The following TSPAN16 variants were observed in gnomAD, a reference collection of about 807,000 sequenced individuals.
TSPAN16 encodes the protein tetraspanin 16.
TSPAN16 carries 23 observed loss-of-function variants against 25.2 expected under a neutral mutation model. That is an observed-to-expected ratio of 0.91 (90% CI 0.66 to 1.29). The LOEUF is 1.29. Among genes scored for constraint, TSPAN16 ranks in the 50% most tolerant of loss-of-function variants. The pLI is 0.00. For synonymous variants in TSPAN16, 123 were observed against 124.4 expected, an observed-to-expected ratio of 0.99 and a Z score of 0.08; for missense variants, 272 against 299.9, an observed-to-expected ratio of 0.91 and a Z score of 0.69.
chr19:11,313,323 C>T (rs770153775), intron 6 of TSPAN16, among the ~76,000 whole-genome samples: 23 of 152,062 alleles, frequency 1.5e-4, no homozygotes, highest in Non-Finnish European at 2.8e-4. Context: ...ACCAGCCTGA[C>T]GAACATGGTG....
chr19:11,316,048 C>T, downstream of TSPAN16: 2 of 825,604 alleles, frequency 2.4e-6, no homozygotes, highest in African/African-American at 3.7e-5. Context: ...AGACTATGCC[C>T]TTTCTCATAC....
intron 5 of TSPAN16, among the ~76,000 whole-genome samples, chr19:11,311,218 C>G (rs529897629): frequency 6.6e-6 from 1 of 152,328 alleles, no homozygotes; most frequent in South Asian, 2.1e-4. Context: ...TCACTACAAC[C>G]TCCGATTCCC....
rs12461865 is a variant in TSPAN16, at chr19:11,296,287, G to A, written c.-11G>A. The A allele has an allele frequency of 8.3e-3, 13,416 of 1,613,684 alleles. 127 individuals are homozygous for A. The highest frequency in any genetic ancestry group is 0.038 in the Admixed American group (2,283 of 59,940). Reference sequence around the variant, plus strand: ...TAACTTAAATGTTCAGGGTGCCCCAGTCTGTTCAGCATGGCTGAAATCCAC... The same window carrying A: ...TAACTTAAATGTTCAGGGTGCCCCAATCTGTTCAGCATGGCTGAAATCCAC... On this transcript the variant is annotated 5_prime_UTR_variant, in exon 1 of 7. Coordinates refer to ENST00000590327, the MANE Select transcript of TSPAN16 (RefSeq NM_001282509.2).
At chr19:11,317,434 A>G (rs2080754992), downstream of TSPAN16, among the ~76,000 whole-genome samples, 1 of 152,072 alleles carries the variant, frequency 6.6e-6, no homozygotes, top group Non-Finnish European at 1.5e-5. Flanking sequence ...TCCCATGTCA[A>G]CTTTCTAAGT....
rs1186183084 is a variant in TSPAN16, at chr19:11,302,513, A to C, written c.450+1205A>C. 2.6e-5 allele frequency among the ~76,000 whole-genome samples: 3 copies of C among 113,632 alleles called. No homozygotes were observed. The East Asian group carries it at 8.1e-4, about 31-fold the overall frequency. The allele number at this position is 113,632 out of a possible 152,430, so 74.5% of individuals were successfully genotyped here. ...CACTGCATTGCAGCCTGGGCAACAG[A>C]GTGAGGCTCCATCTCAAAAAAAAAA... On this transcript the variant is annotated intron_variant, in intron 4 of 6. Coordinates refer to ENST00000590327, the MANE Select transcript of TSPAN16 (RefSeq NM_001282509.2).
downstream of TSPAN16, among the ~76,000 whole-genome samples, chr19:11,318,987 G>T (rs967787779): frequency 6.6e-6 from 1 of 151,692 alleles, no homozygotes; most frequent in Non-Finnish European, 1.5e-5. Context: ...CACCAAACAT[G>T]TGGGGTTTTC....
chr19:11,326,704 A>G (rs904084784), intron 6 of TSPAN16: 1 of 671,168 alleles, frequency 1.5e-6, no homozygotes, highest in Admixed American at 2.1e-5. Flanking sequence ...CCTGGGCTCA[A>G]GCGATCCTCC....
rs117079886 is a variant in TSPAN16, at chr19:11,315,724, C to A, written c.688-67C>A. On this transcript the variant is annotated intron_variant, in intron 6 of 6. Transcript: ENST00000590327. ...CAGGATGCTCCCCTTGTCCCCGTAA[C>A]TCCAGTATGATTCTGGTTTGGAGGT... The A allele has an allele frequency of 6.5e-4, 763 of 1,179,160 alleles. 5 individuals carry two copies. In the East Asian group the frequency reaches 0.018, roughly 28 times the overall value. The allele number at this position is 1,179,160 out of a possible 1,614,324, so 73.0% of individuals were successfully genotyped here. A position where few individuals can be genotyped will look rare whatever the true frequency, so the allele number is the denominator to read the frequency against.
chr19:11,322,274 A>G (rs7417), intron 6 of TSPAN16: 40,433 of 151,596 alleles, frequency 0.27, 9,795 homozygotes, highest in African/African-American at 0.65. Flanking sequence ...CCTGTTACTT[A>G]TTTTTCTAAA....
chr19:11,314,240 G>C lies in TSPAN16; in HGVS notation c.688-1551G>C, dbSNP rs376140542. ...TAGGTATGGCGTTTCTGTGGTTCAT[G>C]ATGAAAATGTTCTTAAGTTATATAG... On this transcript the variant is annotated intron_variant, in intron 6 of 6. Coordinates refer to ENST00000590327, the MANE Select transcript of TSPAN16 (RefSeq NM_001282509.2). 4.6e-5 allele frequency among the ~76,000 whole-genome samples: 7 copies of C among 152,300 alleles called. 1 individual carries two copies. In the East Asian group the frequency reaches 7.7e-4, roughly 17 times the overall value.
chr19:11,305,311 C>T (rs777433195), intron 4 of TSPAN16, among the ~76,000 whole-genome samples: 3 of 151,956 alleles, frequency 2.0e-5, no homozygotes, highest in Non-Finnish European at 4.4e-5. Context: ...AGGTGGATCA[C>T]CTGAGGTCAG....
At chr19:11,319,391 A>G (rs1367451783), downstream of TSPAN16, among the ~76,000 whole-genome samples, 5 of 152,162 alleles carry the variant, frequency 3.3e-5, no homozygotes, top group Admixed American at 3.3e-4. Context: ...CGAGGTAAGG[A>G]GTCTGAGACC....
At chr19:11,319,400 C>T (rs757591418), downstream of TSPAN16, among the ~76,000 whole-genome samples, 2 of 152,136 alleles carry the variant, frequency 1.3e-5, no homozygotes, top group Non-Finnish European at 2.9e-5. Context: ...GAGTCTGAGA[C>T]CAGCCTGGCC....
intron 6 of TSPAN16, among the ~76,000 whole-genome samples, 174 bp from the exon 7 acceptor site, chr19:11,315,617 T>C (rs1224663428): frequency 6.6e-6 from 1 of 152,008 alleles, no homozygotes; most frequent in East Asian, 1.9e-4. Flanking sequence ...TGGAGACGAA[T>C]GCACTGTAAC....
intron 1 of TSPAN16, among the ~76,000 whole-genome samples, chr19:11,297,851 G>A (rs1334945202): frequency 6.6e-6 from 1 of 152,090 alleles, no homozygotes; most frequent in Non-Finnish European, 1.5e-5. Flanking sequence ...GAGTACAGTG[G>A]CACAGTCATA....
intron 5 of TSPAN16, among the ~76,000 whole-genome samples, chr19:11,310,780 T>C (rs1187903166): frequency 6.6e-6 from 1 of 152,204 alleles, no homozygotes; most frequent in African/African-American, 2.4e-5. Flanking sequence ...AGTTATTGAA[T>C]GCTGGCTACA....
intron 3 of TSPAN16, among the ~76,000 whole-genome samples, chr19:11,299,985 GAA>G (rs60293071): frequency 0.048 from 5,210 of 107,780 alleles, 317 homozygotes; most frequent in African/African-American, 0.14. Context: ...CTCAAAAAAA[GAA>G]AAAAAAAAAA....
chr19:11,310,988 C>A (rs1378236081), intron 5 of TSPAN16, among the ~76,000 whole-genome samples: 2 of 152,248 alleles, frequency 1.3e-5, no homozygotes, highest in Admixed American at 1.3e-4. Context: ...CAGGCACATA[C>A]CACCACACTG....
At chr19:11,315,977 T>C, downstream of TSPAN16, 1 of 1,226,298 alleles carries the variant, frequency 8.2e-7, no homozygotes, top group Non-Finnish European at 1.0e-6. Flanking sequence ...CTGTCCAGCC[T>C]GACTTCTTTC....
Sources: gnomAD v4.1 joint callset for allele counts (sites outside exome capture counted in the v4.1 genomes callset) on GRCh38, gnomAD v4.1.1 for gene constraint, MANE v1.5 for transcripts, NCBI Gene and HGNC (gene_info 2026-07-23, HGNC 2026-07-21) for gene names.